Variants in MEIG1 observed in about 807,000 individuals in gnomAD.
MEIG1 encodes the protein meiosis/spermiogenesis associated 1.
MEIG1 carries 12 observed loss-of-function variants against 11.3 expected under a neutral mutation model. The observed-to-expected ratio is 1.07, with a 90% CI of 0.68 to 1.73. MEIG1 has a LOEUF of 1.73. Among genes scored for constraint, MEIG1 ranks in the 40% most tolerant of loss-of-function variants. MEIG1 has a pLI of 0.00. For synonymous variants in MEIG1, 41 were observed against 33.2 expected (o/e 1.24, Z -0.81); for missense variants, 119 against 104.9 (o/e 1.13, Z -0.59).
In MEIG1 at chr10:14,972,590, G is replaced by C. The variant is rs1439526643; in HGVS notation, c.216G>C (p.Gln72His). ...RDNTFYYYNK[Q>H]RECDDKEVHK... Reference sequence around the variant, plus strand: ...ATACGTTCTATTACTACAACAAACAGAGGGAATGTGATGACAAAGAAGTCC... The same window carrying C: ...ATACGTTCTATTACTACAACAAACACAGGGAATGTGATGACAAAGAAGTCC... The change falls in exon 3 of 3, where the codon CAG (glutamine) becomes CAC (histidine). Residue 72 changes from glutamine (Q) to histidine (H), a missense_variant. By Grantham distance (24) the Gln-to-His change is conservative. Coordinates refer to ENST00000407572, the MANE Select transcript of MEIG1 (RefSeq NM_001080836.3). The C allele has an allele frequency of 6.2e-7, 1 of 1,613,376 alleles. No homozygotes were observed. Among genetic ancestry groups the C allele is most frequent in the Non-Finnish European group, 8.5e-7 (1 of 1,179,770 alleles).
intron 1 of MEIG1, among the ~76,000 whole-genome samples, chr10:14,983,455 C>A (rs1843285185): frequency 6.6e-6 from 1 of 152,036 alleles, no homozygotes. Context: ...CCCCATACAG[C>A]AGGAGGTGTA....
At chr10:14,987,431 T>C (rs1349485074) in intron 2 of MEIG1, 1 of 722,930 alleles carries the variant, frequency 1.4e-6, no homozygotes, top group South Asian at 1.5e-5. Flanking sequence ...ACCTGTGAGA[T>C]TCCGTGGCTC....
the MEIG1 span, chr10:14,954,325 G>C: frequency 2.1e-6 from 1 of 465,796 alleles, no homozygotes; most frequent in Non-Finnish European, 4.0e-6. Context: ...GCCCATGTCT[G>C]TGGAGGTGCA....
At position 14,971,387 on chromosome 10, in the gene MEIG1, A is replaced by G. The variant is rs946979457; in HGVS notation, c.139-1126A>G. 2.6e-5 allele frequency among the ~76,000 whole-genome samples: 4 copies of G among 151,718 alleles called. 1 individual carries two copies. Among genetic ancestry groups the G allele is most frequent in the African/African-American group, 9.7e-5 (4 of 41,296 alleles). On this transcript the variant is annotated intron_variant, in intron 2 of 2. Coordinates refer to ENST00000407572, the MANE Select transcript of MEIG1 (RefSeq NM_001080836.3). ...CTCTACAAAAAAAAAAAAGAAAAAT[A>G]GAAAACTTATCTGGGCATGGTGGTG...
chr10:14,984,214 C>A (rs1208570273), intron 1 of MEIG1, among the ~76,000 whole-genome samples: 1 of 148,840 alleles, frequency 6.7e-6, no homozygotes, highest in African/African-American at 2.5e-5. Context: ...GTGGGGGGAG[C>A]CCACCCCCCT....
intron 1 of MEIG1, among the ~76,000 whole-genome samples, chr10:14,965,937 C>A (rs1843077691): frequency 6.6e-6 from 1 of 151,872 alleles, no homozygotes; most frequent in African/African-American, 2.4e-5. Flanking sequence ...TTGTTTGTTT[C>A]TTACAGTTTT....
At chr10:14,983,556 C>A (rs541030946) in intron 1 of MEIG1, among the ~76,000 whole-genome samples, 93 of 152,026 alleles carry the variant, frequency 6.1e-4, no homozygotes, top group Non-Finnish European at 1.2e-3. Flanking sequence ...CCAGTCTGTG[C>A]TATTGTTCTT....
chr10:14,977,957 G>T (rs188763700), intron 1 of MEIG1, among the ~76,000 whole-genome samples: 1 of 151,818 alleles, frequency 6.6e-6, no homozygotes, highest in Non-Finnish European at 1.5e-5. Flanking sequence ...GACATTATTC[G>T]TAATATCCTG....
At chr10:14,967,649 G>A (rs899261042) in intron 2 of MEIG1, among the ~76,000 whole-genome samples, 7 of 152,016 alleles carry the variant, frequency 4.6e-5, no homozygotes, top group Middle Eastern at 6.8e-3. Flanking sequence ...GTTCACCCCT[G>A]AACAACACAG....
chr10:14,966,253 G>A (rs1016729141), intron 1 of MEIG1, among the ~76,000 whole-genome samples, 187 bp from the exon 2 acceptor site: 4 of 151,632 alleles, frequency 2.6e-5, no homozygotes, highest in Admixed American at 2.0e-4. Context: ...TAGCAGAGAC[G>A]GTGTTTCACC....
chr10:14,977,019 G>T (rs1179333342), downstream of MEIG1, among the ~76,000 whole-genome samples: 2 of 152,076 alleles, frequency 1.3e-5, no homozygotes, highest in Non-Finnish European at 2.9e-5. Flanking sequence ...GTCACACGGG[G>T]TGTACTCCCT....
At chr10:14,984,054 G>A (rs1843291308) in intron 1 of MEIG1, among the ~76,000 whole-genome samples, 1 of 152,084 alleles carries the variant, frequency 6.6e-6, no homozygotes, top group Non-Finnish European at 1.5e-5. Flanking sequence ...TTACGGCAAA[G>A]AGTGCAGAGG....
intron 2 of MEIG1, among the ~76,000 whole-genome samples, chr10:14,967,197 T>A (rs76918173): frequency 6.6e-6 from 1 of 151,226 alleles, no homozygotes; most frequent in South Asian, 2.1e-4. Flanking sequence ...AAAAAAAAGC[T>A]TTTTTCCTCA....
intron 1 of MEIG1, among the ~76,000 whole-genome samples, chr10:14,983,370 G>A (rs12247037): frequency 1.4e-4 from 21 of 151,610 alleles, no homozygotes; most frequent in Non-Finnish European, 2.8e-4. Context: ...GATATTACTC[G>A]CAATATCGCA....
downstream of MEIG1, among the ~76,000 whole-genome samples, chr10:14,976,300 G>A (rs1355466066): frequency 1.3e-5 from 2 of 152,036 alleles, no homozygotes; most frequent in African/African-American, 4.8e-5. Context: ...ATTATTCATC[G>A]GGGAATATTA....
At chr10:14,976,555 G>T (rs1358561486), downstream of MEIG1, among the ~76,000 whole-genome samples, 1 of 150,438 alleles carries the variant, frequency 6.6e-6, no homozygotes, top group Non-Finnish European at 1.5e-5. Context: ...ATCCTCATAA[G>T]ATGTCACTCC....
At chr10:14,987,654 A>G (rs1301534230) in intron 2 of MEIG1, 2 of 394,404 alleles carry the variant, frequency 5.1e-6, no homozygotes, top group African/African-American at 2.1e-5. Flanking sequence ...TGTACATACT[A>G]CTTTAGAGAA....
At chr10:14,973,859 G>A (rs558487063), downstream of MEIG1, among the ~76,000 whole-genome samples, 1 of 151,726 alleles carries the variant, frequency 6.6e-6, no homozygotes, top group Non-Finnish European at 1.5e-5. Context: ...ATGTACAGTT[G>A]CATGACCTTG....
chr10:14,958,109 A>C (rs565293831), upstream of MEIG1, among the ~76,000 whole-genome samples: 125 of 152,346 alleles, frequency 8.2e-4, no homozygotes, highest in African/African-American at 2.9e-3. Flanking sequence ...ATGGATATGG[A>C]AAGAGAGGGC....
Sources: allele counts gnomAD v4.1 joint callset (sites outside exome capture counted in the v4.1 genomes callset), GRCh38; gene constraint gnomAD v4.1.1; transcripts MANE v1.5; gene names NCBI Gene and HGNC (gene_info 2026-07-23, HGNC 2026-07-21).